Variants in HACD2 observed in about 807,000 individuals in gnomAD.
The protein encoded by HACD2 is very-long-chain (3R)-3-hydroxyacyl-CoA dehydratase 2.
In HACD2, 15 loss-of-function variants were observed where a neutral mutation model predicts 31.0. That is an observed-to-expected ratio of 0.48 (90% CI 0.32 to 0.75). The LOEUF (loss-of-function observed/expected upper bound fraction) is 0.75. Among genes scored for constraint, HACD2 ranks in the 30% least tolerant of loss-of-function variants. HACD2 has a pLI of 0.03. For missense variants in HACD2, 283 were observed against 313.0 expected, an observed-to-expected ratio of 0.90 and a Z score of 0.72; for synonymous variants, 115 against 122.2, an observed-to-expected ratio of 0.94 and a Z score of 0.39.
At position 123,506,228 on chromosome 3, in the gene HACD2, T is replaced by C. The variant is rs1357076267; in HGVS notation, c.382-3547A>G. 5.9e-5 allele frequency among the ~76,000 whole-genome samples: 9 copies of C among 152,326 alleles called. 2 individuals are homozygous for C. The South Asian group carries it at 8.3e-4, about 14-fold the overall frequency. ...TAACTGACAAGCTCTCCTGTCATCA[T>C]TGCTGACTGCTGAGCATGTGAAACG... On this transcript the variant is annotated intron_variant, in intron 4 of 6. Coordinates refer to ENST00000383657, the MANE Select transcript of HACD2 (RefSeq NM_198402.5).
In HACD2 at chr3:123,546,541, C is replaced by T. The variant is rs923036678; in HGVS notation, c.293-18067G>A. Among the ~76,000 whole-genome samples, 8 of 152,200 alleles carry T rather than the reference C, an allele frequency of 5.3e-5. No individual in the cohort carries two copies. In the South Asian group the frequency reaches 1.7e-3, roughly 32 times the overall value. On this transcript the variant is annotated intron_variant, in intron 3 of 6. Coordinates refer to ENST00000383657, the MANE Select transcript of HACD2 (RefSeq NM_198402.5). ...TTGCACTTTCTGCCTGGAATGTAAA[C>T]ATGACACCATATTAACTCATCACAG...
At chr3:123,499,349 GT>G (rs1411036055) in intron 6 of HACD2, 1 of 187,558 alleles carries the variant, frequency 5.3e-6, no homozygotes, top group African/African-American at 2.3e-5. Context: ...TTTATCATCT[GT>G]TTGAAAATCA....
At chr3:123,530,261 A>T (rs189485818) in intron 3 of HACD2, among the ~76,000 whole-genome samples, 2,396 of 151,920 alleles carry the variant, frequency 0.016, 66 homozygotes, top group African/African-American at 0.052. Flanking sequence ...TTCTTTTTTT[A>T]AAAAAAAGAG....
chr3:123,522,288 G>A (rs2107700656), intron 4 of HACD2, among the ~76,000 whole-genome samples: 1 of 145,120 alleles, frequency 6.9e-6, no homozygotes, highest in African/African-American at 2.5e-5. Context: ...CTGCACTCCA[G>A]CCTGGGTGAT....
At position 123,496,656 on chromosome 3, in the gene HACD2, C is replaced by G. The variant is rs72968508; in HGVS notation, c.683-1686G>C. Among the ~76,000 whole-genome samples the G allele has an allele frequency of 5.5e-3, 834 of 152,300 alleles. 10 individuals carry two copies. Among genetic ancestry groups the G allele is most frequent in the African/African-American group, 0.019 (798 of 41,564 alleles). ...CAGAAAATCTGACAAGCTCTATAAT[C>G]TAAAAACTGGAAGTAAAGATATAAT... is the stretch of plus-strand genomic sequence containing the variant. On this transcript the variant is annotated intron_variant, in intron 6 of 6. Coordinates refer to ENST00000383657, the MANE Select transcript of HACD2 (RefSeq NM_198402.5).
chr3:123,576,921 GA>G (rs1312457413), intron 2 of HACD2, among the ~76,000 whole-genome samples: 1 of 152,186 alleles, frequency 6.6e-6, no homozygotes, highest in African/African-American at 2.4e-5. Flanking sequence ...AGAGCATTGT[GA>G]AGTGAGGTCT....
chr3:123,540,566 A>T (rs2056477305), intron 3 of HACD2, among the ~76,000 whole-genome samples: 2 of 152,238 alleles, frequency 1.3e-5, no homozygotes, highest in Non-Finnish European at 2.9e-5. Context: ...CTGAGAGGAC[A>T]CAGTGAGTCA....
At chr3:123,508,240 G>A (rs1485849189) in intron 4 of HACD2, among the ~76,000 whole-genome samples, 1 of 152,152 alleles carries the variant, frequency 6.6e-6, no homozygotes, top group Non-Finnish European at 1.5e-5. Flanking sequence ...AAGCCCTTCC[G>A]GTTAGGGAAT....
At chr3:123,510,932 G>GTTTTTTTTTTTTTTTTTTTTTTTTT (rs67094405) in intron 4 of HACD2, among the ~76,000 whole-genome samples, 1 of 142,606 alleles carries the variant, frequency 7.0e-6, no homozygotes, top group Non-Finnish European at 1.5e-5. Flanking sequence ...CATTTGCTGT[G>GTTTTTTTTTTTTTTTTTTTTTTTTT]TTTTTTTTTT....
At chr3:123,575,645 A>C (rs1009773441) in intron 2 of HACD2, among the ~76,000 whole-genome samples, 3 of 152,230 alleles carry the variant, frequency 2.0e-5, no homozygotes, top group Non-Finnish European at 4.4e-5. Flanking sequence ...GGTGCTTTCA[A>C]AGTTCCATTA....
chr3:123,502,955 G>C, intron 4 of HACD2: 1 of 351,900 alleles, frequency 2.8e-6, no homozygotes, highest in African/African-American at 2.0e-5. Flanking sequence ...GGGATTTACA[G>C]GTTTGCCAGC....
chr3:123,542,937 AT>A (rs1359275838), intron 3 of HACD2, among the ~76,000 whole-genome samples: 1 of 152,256 alleles, frequency 6.6e-6, no homozygotes, highest in Non-Finnish European at 1.5e-5. Context: ...GTTAAAAGCT[AT>A]GAGATTATGA....
Position 123,494,982 on chromosome 3 carries a change from A to G in HACD2, c.683-12T>C, listed in dbSNP as rs191669082. Reference sequence around the variant, plus strand: ...TAACTGGGGAAAAACTGAAAAGAAAAGAAAAATTGGTTAAGAGGATGGTTT... The same window carrying G: ...TAACTGGGGAAAAACTGAAAAGAAAGGAAAAATTGGTTAAGAGGATGGTTT... On this transcript the variant is annotated splice_polypyrimidine_tract_variant and intron_variant, in intron 6 of 6. Coordinates refer to ENST00000383657, the MANE Select transcript of HACD2 (RefSeq NM_198402.5). The G allele has an allele frequency of 6.6e-7, 1 of 1,519,820 alleles. No individual in the cohort carries two copies. The highest frequency in any genetic ancestry group is 1.4e-5 in the African/African-American group (1 of 72,590). The allele number at this position is 1,519,820 out of a possible 1,614,324, so 94.1% of individuals were successfully genotyped here.
chr3:123,552,221 T>C (rs1225357712), intron 3 of HACD2, among the ~76,000 whole-genome samples: 2 of 152,034 alleles, frequency 1.3e-5, no homozygotes, highest in Non-Finnish European at 2.9e-5. Flanking sequence ...ACAGAGTCTG[T>C]GGGATGCTAT....
chr3:123,562,015 T>C (rs2056734971), intron 3 of HACD2, among the ~76,000 whole-genome samples: 2 of 152,206 alleles, frequency 1.3e-5, no homozygotes, highest in Admixed American at 1.3e-4. Context: ...TTTCACCATG[T>C]TGGCCAGGCT....
At chr3:123,558,647 A>G (rs1219238427) in intron 3 of HACD2, among the ~76,000 whole-genome samples, 2 of 152,220 alleles carry the variant, frequency 1.3e-5, no homozygotes, top group Non-Finnish European at 1.5e-5. Context: ...TCTCCCAAGA[A>G]AAGGAAACTG....
intron 6 of HACD2, among the ~76,000 whole-genome samples, chr3:123,495,732 G>A (rs1311855720): frequency 1.3e-5 from 2 of 152,042 alleles, no homozygotes; most frequent in South Asian, 2.1e-4. Flanking sequence ...TGCCTCCCTC[G>A]GAACTATTTG....
chr3:123,499,298 C>T (rs73857648), intron 6 of HACD2: 5,680 of 162,578 alleles, frequency 0.035, 112 homozygotes, highest in Middle Eastern at 0.086. Context: ...TGATAAACTA[C>T]CAGTTAATTT....
In HACD2 at chr3:123,503,441, TG is replaced by T. The variant is rs2055931467; in HGVS notation, c.382-761del. On this transcript the variant is annotated intron_variant, in intron 4 of 6. Transcript: ENST00000383657. ...TCCATGATTAGGGAAGCTTCCATGCTGTTCCCAGGAGGCAGTTAGAGCCAGA... is the reference window on the plus strand; with the variant it reads ...TCCATGATTAGGGAAGCTTCCATGCTTTCCCAGGAGGCAGTTAGAGCCAGA... 2.0e-5 allele frequency among the ~76,000 whole-genome samples: 3 copies of T among 152,156 alleles called. No homozygotes were observed. In the South Asian group the frequency reaches 6.2e-4, roughly 32 times the overall value.
Sources: allele counts gnomAD v4.1 joint callset (sites outside exome capture counted in the v4.1 genomes callset), GRCh38; gene constraint gnomAD v4.1.1; transcripts MANE v1.5; gene names NCBI Gene and HGNC (gene_info 2026-07-23, HGNC 2026-07-21).